Variants in MROH9 observed in about 807,000 individuals in gnomAD.
The protein encoded by MROH9 is maestro heat-like repeat-containing protein family member 9.
Under a neutral mutation model 98.2 loss-of-function variants are expected in MROH9, and 92 were observed. The observed-to-expected ratio is 0.94, with a 90% CI of 0.79 to 1.11. The LOEUF (loss-of-function observed/expected upper bound fraction) is 1.11, where lower values mean the gene tolerates loss of function less well. Ranked by LOEUF, MROH9 falls within the 50% of genes most tolerant of loss-of-function variation. MROH9 has a pLI of 0.00. For missense variants in MROH9, 1,057 were observed against 1,014.8 expected (o/e 1.04, Z -0.57); for synonymous variants, 397 against 368.9 (o/e 1.08, Z -0.87).
Position 170,997,533 on chromosome 1 carries a change from T to C in MROH9, c.1476-621T>C, listed in dbSNP as rs1651626538. ...ATCCCAAGGGTGATCTGTTTGCACG[T>C]TGCAGTTTGAGAAGCACTGGTTTGG... On this transcript the variant is annotated intron_variant, in intron 14 of 21. Transcript: ENST00000367759. Among the ~76,000 whole-genome samples the C allele has an allele frequency of 2.6e-5, 4 of 152,172 alleles. No individual in the cohort carries two copies. In the South Asian group the frequency reaches 8.3e-4, roughly 32 times the overall value.
intron 20 of MROH9, among the ~76,000 whole-genome samples, chr1:171,027,416 G>A (rs1346035305): frequency 6.6e-6 from 1 of 152,046 alleles, no homozygotes; most frequent in Admixed American, 6.6e-5. Flanking sequence ...AATATTCCAT[G>A]GTGTATATAT....
intron 8 of MROH9, 99 bp from the exon 9 acceptor site, chr1:170,983,323 C>A: frequency 1.3e-6 from 1 of 770,904 alleles, no homozygotes; most frequent in Non-Finnish European, 2.1e-6. Flanking sequence ...AACTTCAGAT[C>A]TCCAGAACTG....
chr1:171,015,883 C>A (rs1159836950), intron 16 of MROH9, among the ~76,000 whole-genome samples: 1 of 152,034 alleles, frequency 6.6e-6, no homozygotes, highest in Non-Finnish European at 1.5e-5. Context: ...CATGAATAAC[C>A]TCAAGAGCAT....
intron 20 of MROH9, among the ~76,000 whole-genome samples, chr1:171,059,154 G>A (rs1178235337): frequency 2.0e-5 from 3 of 151,210 alleles, no homozygotes; most frequent in African/African-American, 7.3e-5. Flanking sequence ...AAAAAAACAA[G>A]TATCAATAGC....
intron 8 of MROH9, among the ~76,000 whole-genome samples, chr1:170,972,722 G>T (rs576697102): frequency 1.3e-5 from 2 of 151,440 alleles, no homozygotes; most frequent in Non-Finnish European, 2.9e-5. Flanking sequence ...TGAGGTAGGA[G>T]AATGGCGTGA....
chr1:170,939,467 G>A (rs1322703204), intron 1 of MROH9, among the ~76,000 whole-genome samples: 1 of 152,180 alleles, frequency 6.6e-6, no homozygotes, highest in African/African-American at 2.4e-5. Context: ...ATATCATGTA[G>A]AACCAACTGT....
chr1:170,954,099 T>A (rs6675001), intron 3 of MROH9, among the ~76,000 whole-genome samples: 2 of 151,922 alleles, frequency 1.3e-5, no homozygotes, highest in South Asian at 2.1e-4. Context: ...TCTGTAGAAG[T>A]CTTTATCTTT....
chr1:170,975,945 C>G (rs1247242916), intron 8 of MROH9, among the ~76,000 whole-genome samples: 2 of 152,024 alleles, frequency 1.3e-5, no homozygotes, highest in Non-Finnish European at 2.9e-5. Flanking sequence ...GGCTTAAAGT[C>G]TATTTTGCCT....
rs746181602 is a variant in MROH9 at position 171,033,077 on chromosome 1, G to C, written c.2281+7657G>C. On this transcript the variant is annotated intron_variant, in intron 20 of 21. Coordinates refer to ENST00000367759, the MANE Select transcript of MROH9 (RefSeq NM_001163629.2). ...CACAGACTGCCACAGCCAGTGTGTT[G>C]GGCTGCGGAGGGACAAGTCTTGGGA... 8.9e-4 allele frequency among the ~76,000 whole-genome samples: 136 copies of C among 152,354 alleles called. 2 individuals are homozygous for C. In the Middle Eastern group the frequency reaches 0.017, roughly 19 times the overall value.
At chr1:170,985,937 T>C (rs185578203) in intron 9 of MROH9, among the ~76,000 whole-genome samples, 1 of 140,158 alleles carries the variant, frequency 7.1e-6, no homozygotes, top group Non-Finnish European at 1.6e-5. Context: ...GTATCCTCTG[T>C]ACTTGGGAGA....
intron 17 of MROH9, among the ~76,000 whole-genome samples, chr1:171,022,797 A>T (rs1652562565): frequency 1.3e-5 from 2 of 152,140 alleles, no homozygotes; most frequent in Non-Finnish European, 2.9e-5. Flanking sequence ...TTTATTGAAC[A>T]CTTAATATAT....
chr1:170,975,078 C>A (rs1213022551), intron 8 of MROH9, among the ~76,000 whole-genome samples: 1 of 151,588 alleles, frequency 6.6e-6, no homozygotes, highest in African/African-American at 2.4e-5. Flanking sequence ...AGAAAAAAAG[C>A]AGATAACACA....
chr1:171,013,706 A>T (rs761825317), intron 15 of MROH9, among the ~76,000 whole-genome samples: 3 of 152,062 alleles, frequency 2.0e-5, no homozygotes, highest in Non-Finnish European at 2.9e-5. Context: ...TTCGCTCACC[A>T]TTGTATCTCT....
At position 170,971,807 on chromosome 1, in the gene MROH9, C is replaced by T. The variant is rs768896681; in HGVS notation, c.540C>T (p.Ser180=). The change falls in exon 8 of 22, where the codon TCC becomes TCT. Residue 180 remains serine, a synonymous_variant. Coordinates refer to ENST00000367759, the MANE Select transcript of MROH9 (RefSeq NM_001163629.2). ...LLAAELSLLC[S]HEDPSIVKQA... Reference sequence around the variant, plus strand: ...CAGCAGAGCTGTCTCTTTTGTGTTCCCATGAAGATCCCTCGATTGTAAAAC... The same window carrying T: ...CAGCAGAGCTGTCTCTTTTGTGTTCTCATGAAGATCCCTCGATTGTAAAAC... 2.0e-5 allele frequency: 32 copies of T among 1,613,938 alleles called. 1 individual carries two copies. The African/African-American group carries it at 4.3e-4, about 22-fold the overall frequency.
At chr1:171,025,549 A>C (rs753154007) in intron 20 of MROH9, 129 bp downstream of exon 20, 1 of 621,286 alleles carries the variant, frequency 1.6e-6, no homozygotes, top group Non-Finnish European at 2.8e-6. Flanking sequence ...GATGGTGATG[A>C]ATACAGGTTG....
At chr1:170,963,469 C>T (rs985936367) in intron 6 of MROH9, among the ~76,000 whole-genome samples, 5 of 152,016 alleles carry the variant, frequency 3.3e-5, no homozygotes, top group African/African-American at 9.7e-5. Flanking sequence ...CCCAGCAATT[C>T]GATTACTGGA....
intron 17 of MROH9, among the ~76,000 whole-genome samples, chr1:171,023,445 T>A (rs917331105): frequency 2.6e-5 from 4 of 152,176 alleles, no homozygotes; most frequent in Non-Finnish European, 4.4e-5. Context: ...TAAGTATCCT[T>A]ACAAAAATTA....
intron 7 of MROH9, among the ~76,000 whole-genome samples, chr1:170,965,466 A>G (rs921207844): frequency 6.6e-6 from 1 of 152,144 alleles, no homozygotes; most frequent in Non-Finnish European, 1.5e-5. Flanking sequence ...AAGACGCATC[A>G]TGCTTTATGC....
At chr1:170,996,930 G>A (rs1294335375) in intron 14 of MROH9, among the ~76,000 whole-genome samples, 2 of 152,066 alleles carry the variant, frequency 1.3e-5, no homozygotes, top group Admixed American at 1.3e-4. Context: ...CTAGAAGTGA[G>A]TTTGGTTTTT....
Sources: gnomAD v4.1 joint callset for allele counts (sites outside exome capture counted in the v4.1 genomes callset) on GRCh38, gnomAD v4.1.1 for gene constraint, MANE v1.5 for transcripts, NCBI Gene and HGNC (gene_info 2026-07-23, HGNC 2026-07-21) for gene names.